The following DSC1 variants were observed in gnomAD, a reference collection of about 807,000 sequenced individuals.
DSC1 encodes the protein desmocollin 1.
A neutral mutation model predicts 98.8 loss-of-function variants in DSC1; 79 were observed. That is an observed-to-expected ratio of 0.80 (90% CI 0.67 to 0.96). DSC1 has a LOEUF of 0.96. Ranked by LOEUF, DSC1 falls within the 50% of genes least tolerant of loss-of-function variation. The pLI, the probability that DSC1 is intolerant of heterozygous loss-of-function variation, is 0.00. For synonymous variants in DSC1, 405 were observed against 372.1 expected (o/e 1.09, Z -1.02); for missense variants, 1,115 against 1,075.9 (o/e 1.04, Z -0.51).
chr18:31,145,635 T>C lies in DSC1; in HGVS notation c.915A>G (p.Thr305=). ...SIHPDTGVIT[T]TTPFLDREKC... The stretch of plus-strand genomic sequence containing the variant: ...CTTCTCTATCCAGAAAAGGTGTAGT[T>C]GTGGTGATGACACCGGTATCTGGGT... Residue 305 remains threonine, a synonymous_variant, in exon 7 of 16, where the codon ACA becomes ACG. Coordinates refer to ENST00000257198, the MANE Select transcript of DSC1 (RefSeq NM_024421.2). 1 of 1,614,172 alleles carries C rather than the reference T, an allele frequency of 6.2e-7. No homozygotes were observed. Among genetic ancestry groups the C allele is most frequent in the Non-Finnish European group, 8.5e-7 (1 of 1,180,020 alleles).
chr18:31,141,214 G>GA (rs1387301394), intron 9 of DSC1, among the ~76,000 whole-genome samples: 2 of 150,948 alleles, frequency 1.3e-5, no homozygotes, highest in Non-Finnish European at 3.0e-5. Context: ...TTTAAATGGT[G>GA]AAAAAAATAT....
At chr18:31,139,200 T>C (rs1988676846) in intron 11 of DSC1, among the ~76,000 whole-genome samples, 1 of 152,126 alleles carries the variant, frequency 6.6e-6, no homozygotes, top group Admixed American at 6.5e-5. Context: ...CTTTACAGAA[T>C]TGATTCTAAA....
chr18:31,140,144 G>A lies in DSC1; in HGVS notation c.1418C>T (p.Pro473Leu). The change falls in exon 10 of 16, where the codon CCT (proline) becomes CTT (leucine). Residue 473 changes from proline to leucine, a missense_variant. By Grantham distance (98) the Pro-to-Leu change is moderately conservative (BLOSUM62 -3). Transcript: ENST00000257198. ...IDSDEGPECH[P>L]PVKVIQSQDG... ...TTGACTCTGAATAACTTTCACTGGA[G>A]GGTGGCATTCAGGGCCCTCATCACT... is the stretch of plus-strand genomic sequence containing the variant. The A allele has an allele frequency of 1.2e-6, 2 of 1,614,004 alleles. No individual in the cohort carries two copies. The highest frequency in any genetic ancestry group is 1.7e-6 in the Non-Finnish European group (2 of 1,179,938).
At chr18:31,150,186 C>A (rs1247871517) in intron 5 of DSC1, among the ~76,000 whole-genome samples, 2 of 143,052 alleles carry the variant, frequency 1.4e-5, no homozygotes, top group Non-Finnish European at 1.5e-5. Context: ...ACTACCATCA[C>A]CACCATCATC....
chr18:31,132,808 T>C (rs1988525659), intron 13 of DSC1, 119 bp from the exon 14 acceptor site: 3 of 883,468 alleles, frequency 3.4e-6, no homozygotes, highest in Non-Finnish European at 3.3e-6. Flanking sequence ...GCTCTTCAGG[T>C]CACAAGATTT....
intron 7 of DSC1, 28 bp downstream of exon 7, chr18:31,145,583 G>A (rs1379595759): frequency 1.2e-6 from 2 of 1,610,964 alleles, no homozygotes; most frequent in East Asian, 2.2e-5. Context: ...GTAGTTCAAT[G>A]ACTAGATAGT....
At chr18:31,153,135 T>C (rs1025435870) in intron 5 of DSC1, among the ~76,000 whole-genome samples, 2 of 152,090 alleles carry the variant, frequency 1.3e-5, no homozygotes, top group Non-Finnish European at 2.9e-5. Flanking sequence ...GTTCTCTCCT[T>C]TTCCCTCTGG....
At position 31,140,257 on chromosome 18, in the gene DSC1, A is replaced by T; in HGVS notation, c.1305T>A (p.Gly435=). The T allele has an allele frequency of 1.2e-6, 2 of 1,614,022 alleles. No individual in the cohort carries two copies. Among genetic ancestry groups the T allele is most frequent in the Non-Finnish European group, 1.7e-6 (2 of 1,179,912 alleles). Residue 435 remains glycine, a synonymous_variant, in exon 10 of 16, where the codon GGT becomes GGA. Transcript: ENST00000257198. ...EVNRQVILQV[G]VINEAQFSKA... ...TAGAGAATTGTGCCTCGTTAATGACACCAACTTGCAAAATAACTTGGCGAT... is the reference window on the plus strand; with the variant it reads ...TAGAGAATTGTGCCTCGTTAATGACTCCAACTTGCAAAATAACTTGGCGAT...
chr18:31,160,764 G>GTA (rs1989193615), intron 1 of DSC1, among the ~76,000 whole-genome samples: 1 of 152,056 alleles, frequency 6.6e-6, no homozygotes, highest in Non-Finnish European at 1.5e-5. Context: ...AGTTGTCTAA[G>GTA]TATACAATGT....
intron 6 of DSC1, among the ~76,000 whole-genome samples, chr18:31,146,605 T>A (rs1988851621): frequency 6.6e-6 from 1 of 152,184 alleles, no homozygotes; most frequent in Admixed American, 6.5e-5. Context: ...ATATACCTAG[T>A]AATGGCATTG....
chr18:31,138,104 C>A (rs1036028155), intron 11 of DSC1, among the ~76,000 whole-genome samples: 1 of 151,902 alleles, frequency 6.6e-6, no homozygotes, highest in Non-Finnish European at 1.5e-5. Flanking sequence ...ATTAAACACA[C>A]CCAGGTTATC....
At chr18:31,157,711 T>C (rs1989128228) in intron 2 of DSC1, 138 bp from the exon 3 acceptor site, 2 of 793,800 alleles carry the variant, frequency 2.5e-6, no homozygotes, top group Non-Finnish European at 4.0e-6. Context: ...GCACCTGCTA[T>C]TCTAAAACGT....
chr18:31,159,828 C>A (rs549895603), intron 1 of DSC1, among the ~76,000 whole-genome samples: 3 of 152,084 alleles, frequency 2.0e-5, no homozygotes, highest in Non-Finnish European at 4.4e-5. Context: ...AGAAGTTATA[C>A]GTCTCTAAGA....
chr18:31,131,455 G>C lies in DSC1; in HGVS notation c.2487+139C>G, dbSNP rs1019634718. ...CATTTTTATCTTTGGGTTTAAACCA[G>C]ACATCCACATCTATGATAATCCAAC... On this transcript the variant is annotated intron_variant, in intron 15 of 15. Coordinates refer to ENST00000257198, the MANE Select transcript of DSC1 (RefSeq NM_024421.2). 1.6e-5 allele frequency: 18 copies of C among 1,140,780 alleles called. No individual in the cohort carries two copies. The African/African-American group carries it at 2.8e-4, about 18-fold the overall frequency. 70.7% of individuals were successfully genotyped at this position (1,140,780 alleles called of 1,614,324 possible).
intron 3 of DSC1, among the ~76,000 whole-genome samples, chr18:31,157,085 C>T (rs144939346): frequency 6.6e-6 from 1 of 152,182 alleles, no homozygotes; most frequent in Non-Finnish European, 1.5e-5. Context: ...GTCCTTGCTC[C>T]TCAGGTTGGT....
rs931557009 is a variant in DSC1, at chr18:31,143,644, G to A, written c.1074+13C>T. 4 of 1,544,940 alleles carry A rather than the reference G, an allele frequency of 2.6e-6. No individual in the cohort carries two copies. The African/African-American group carries it at 5.6e-5, about 22-fold the overall frequency. On this transcript the variant is annotated intron_variant, in intron 8 of 15. Coordinates refer to ENST00000257198, the MANE Select transcript of DSC1 (RefSeq NM_024421.2). ...AGATAAATCTAGATGAATGAATAGA[G>A]AGGTATACTCACAGAAGTTTCTGTG...
chr18:31,132,556 A>C lies in DSC1; in HGVS notation c.2238+12T>G. On this transcript the variant is annotated intron_variant, in intron 14 of 15. Transcript: ENST00000257198. ...CACCGTACAATTCAAAGGGATGTGA[A>C]ATCTGATTTACCGTTACTTCTTCTC... is the stretch of plus-strand genomic sequence containing the variant. 1 of 1,612,376 alleles carries C rather than the reference A, an allele frequency of 6.2e-7. No homozygotes were observed.
intron 1 of DSC1, among the ~76,000 whole-genome samples, chr18:31,159,967 A>G (rs1251581587): frequency 6.6e-6 from 1 of 152,232 alleles, no homozygotes; most frequent in African/African-American, 2.4e-5. Context: ...TGAAGTCTAG[A>G]AAATAGTTAA....
intron 11 of DSC1, among the ~76,000 whole-genome samples, chr18:31,136,170 G>T (rs566285949): frequency 1.3e-5 from 2 of 152,052 alleles, no homozygotes; most frequent in African/African-American, 4.8e-5. Flanking sequence ...TAAATACTTT[G>T]AGACTGCCAG....
Sources: allele counts gnomAD v4.1 joint callset (sites outside exome capture counted in the v4.1 genomes callset), GRCh38; gene constraint gnomAD v4.1.1; transcripts MANE v1.5; gene names NCBI Gene and HGNC (gene_info 2026-07-23, HGNC 2026-07-21).